The following MALRD1 variants were observed in gnomAD, a reference collection of about 807,000 sequenced individuals.
The protein encoded by MALRD1 is MAM and LDL-receptor class A domain-containing protein 1.
A neutral mutation model predicts 242.1 loss-of-function variants in MALRD1; 247 were observed. The ratio of observed to expected loss-of-function variants is 1.02; its 90% CI spans 0.92 to 1.13. The LOEUF is 1.13. Ranked by LOEUF, MALRD1 falls within the 50% of genes most tolerant of loss-of-function variation. MALRD1 has a pLI of 0.00. For missense variants in MALRD1, 2,989 were observed against 2,533.1 expected, an observed-to-expected ratio of 1.18 and a Z score of -3.86; for synonymous variants, 995 against 866.6, an observed-to-expected ratio of 1.15 and a Z score of -2.60.
At chr10:19,359,774 T>A (rs72782392) in intron 26 of MALRD1, among the ~76,000 whole-genome samples, 159 of 24,050 alleles carry the variant, frequency 6.6e-3, no homozygotes, top group African/African-American at 0.034. Flanking sequence ...AAAAAAATAA[T>A]TAAAGAACTC....
chr10:19,096,907 C>A (rs748263119), intron 4 of MALRD1, among the ~76,000 whole-genome samples: 3 of 152,200 alleles, frequency 2.0e-5, no homozygotes, highest in African/African-American at 7.2e-5. Context: ...GCTTTATCAC[C>A]TCCATCTGTG....
At chr10:19,672,930 A>C (rs1299313384) in intron 36 of MALRD1, among the ~76,000 whole-genome samples, 3 of 152,178 alleles carry the variant, frequency 2.0e-5, no homozygotes, top group Non-Finnish European at 4.4e-5. Flanking sequence ...CTTATATAAC[A>C]TGAGGATTAT....
intron 18 of MALRD1, among the ~76,000 whole-genome samples, chr10:19,252,798 A>G (rs941780966): frequency 6.6e-6 from 1 of 151,996 alleles, no homozygotes; most frequent in Non-Finnish European, 1.5e-5. Context: ...TGTGTATGTG[A>G]TAGAGTCAGC....
At chr10:19,187,984 C>A (rs147118083) in intron 14 of MALRD1, among the ~76,000 whole-genome samples, 49 of 152,218 alleles carry the variant, frequency 3.2e-4, no homozygotes, top group African/African-American at 1.1e-3. Context: ...TGAGGCAGGG[C>A]TAATTAAATC....
chr10:19,371,472 TTTTTGTTTTG>T (rs141573039), intron 26 of MALRD1, among the ~76,000 whole-genome samples: 5 of 146,282 alleles, frequency 3.4e-5, no homozygotes, highest in Non-Finnish European at 6.0e-5. Flanking sequence ...AAATTATGTT[TTTTTGTTTTG>T]TTTTGTTTTG....
chr10:19,520,190 G>C (rs554394685), intron 31 of MALRD1, among the ~76,000 whole-genome samples: 1 of 151,972 alleles, frequency 6.6e-6, no homozygotes, highest in Admixed American at 6.6e-5. Context: ...ATTGAAACTC[G>C]TGTGTATCTA....
intron 29 of MALRD1, among the ~76,000 whole-genome samples, chr10:19,468,854 A>G (rs1204091242): frequency 6.6e-6 from 1 of 152,066 alleles, no homozygotes; most frequent in Non-Finnish European, 1.5e-5. Flanking sequence ...ACAGCCCTCC[A>G]TGACAAATGT....
At chr10:19,600,951 T>G (rs1189574812) in intron 34 of MALRD1, among the ~76,000 whole-genome samples, 1 of 152,060 alleles carries the variant, frequency 6.6e-6, no homozygotes, top group Admixed American at 6.6e-5. Context: ...GTGGCACAGT[T>G]GTAAATCACT....
intron 33 of MALRD1, among the ~76,000 whole-genome samples, chr10:19,585,410 G>A (rs1167209086): frequency 7.9e-5 from 12 of 151,850 alleles, no homozygotes; most frequent in Non-Finnish European, 1.0e-4. Context: ...AGCTCTTTTA[G>A]GGCAGGCCTG....
chr10:19,581,988 T>G (rs1179779641), intron 33 of MALRD1, among the ~76,000 whole-genome samples: 1 of 152,258 alleles, frequency 6.6e-6, no homozygotes, highest in Non-Finnish European at 1.5e-5. Flanking sequence ...TGAGCATTTT[T>G]TTCATGTGTT....
At chr10:19,433,723 T>A (rs1314094679) in intron 28 of MALRD1, among the ~76,000 whole-genome samples, 1 of 152,022 alleles carries the variant, frequency 6.6e-6, no homozygotes, top group Non-Finnish European at 1.5e-5. Context: ...AACACCTGTG[T>A]GGAGAATACA....
At chr10:19,344,398 A>G (rs534783582) in intron 24 of MALRD1, among the ~76,000 whole-genome samples, 3 of 152,182 alleles carry the variant, frequency 2.0e-5, no homozygotes, top group East Asian at 1.9e-4. Flanking sequence ...CTCCAGCATC[A>G]TTGACAAGAC....
intron 21 of MALRD1, among the ~76,000 whole-genome samples, chr10:19,306,525 C>G (rs1317238166): frequency 7.0e-6 from 1 of 143,100 alleles, no homozygotes; most frequent in African/African-American, 2.6e-5. Context: ...TATATAGTGT[C>G]GTATATATAC....
intron 29 of MALRD1, among the ~76,000 whole-genome samples, chr10:19,469,687 C>T (rs1836399663): frequency 6.6e-6 from 1 of 152,110 alleles, no homozygotes; most frequent in South Asian, 2.1e-4. Context: ...ATTGCATTGT[C>T]CTGCAGGTGT....
chr10:19,303,482 T>C (rs1842036993), intron 21 of MALRD1, among the ~76,000 whole-genome samples: 1 of 151,662 alleles, frequency 6.6e-6, no homozygotes, highest in Non-Finnish European at 1.5e-5. Flanking sequence ...AGAAAATGAA[T>C]AGACAAAACA....
intron 33 of MALRD1, among the ~76,000 whole-genome samples, chr10:19,578,683 T>C (rs1418430262): frequency 2.0e-5 from 3 of 151,076 alleles, no homozygotes; most frequent in Admixed American, 2.0e-4. Context: ...CAGAAAAGAG[T>C]TGACAAGCTC....
At chr10:19,205,913 T>A (rs1476934855) in intron 17 of MALRD1, among the ~76,000 whole-genome samples, 1 of 150,830 alleles carries the variant, frequency 6.6e-6, no homozygotes, top group Non-Finnish European at 1.5e-5. Flanking sequence ...TAATAGGATT[T>A]TTTTTTTTTT....
intron 7 of MALRD1, among the ~76,000 whole-genome samples, chr10:19,125,307 T>TTTCTTTC (rs1489376761): frequency 1.4e-4 from 8 of 56,016 alleles, no homozygotes; most frequent in African/African-American, 1.9e-4. Context: ...CCTTCCTTCC[T>TTTCTTTC]TCCTTCCTTC....
At chr10:19,620,238 G>T (rs548319965) in intron 36 of MALRD1, among the ~76,000 whole-genome samples, 1 of 151,868 alleles carries the variant, frequency 6.6e-6, no homozygotes, top group African/African-American at 2.4e-5. Context: ...TGTCTCAGAG[G>T]TGTGGTGTAC....
Sources: allele counts gnomAD v4.1 joint callset (sites outside exome capture counted in the v4.1 genomes callset), GRCh38; gene constraint gnomAD v4.1.1; transcripts MANE v1.5; gene names NCBI Gene and HGNC (gene_info 2026-07-23, HGNC 2026-07-21).